The following NCAPD2 variants were observed in gnomAD, a reference collection of about 807,000 sequenced individuals.
NCAPD2 encodes non-SMC condensin I complex subunit D2, also known as condensin complex subunit 1.
In NCAPD2, 100 loss-of-function variants were observed where a neutral mutation model predicts 164.5. The observed-to-expected ratio is 0.61, with a 90% confidence interval of 0.52 to 0.72. The LOEUF (loss-of-function observed/expected upper bound fraction) is 0.72, where lower values mean the gene tolerates loss of function less well. Among genes scored for constraint, NCAPD2 ranks in the 30% least tolerant of loss-of-function variants. NCAPD2 has a pLI of 0.00. For missense variants in NCAPD2, 1,560 were observed against 1,749.2 expected (o/e 0.89, Z 1.93); for synonymous variants, 585 against 642.6 (o/e 0.91, Z 1.36).
rs183925918 is a variant in NCAPD2, at chr12:6,514,407, G to A, written c.715+15G>A. The A allele has an allele frequency of 3.0e-5, 48 of 1,614,140 alleles. No individual in the cohort carries two copies. In the African/African-American group the frequency reaches 4.1e-4, roughly 14 times the overall value. ...CCATATGCTCAGTAAGTTACCAGTC[G>A]CTTTGCCCCGCCTTTTTTGTATTGC... On this transcript the variant is annotated intron_variant, in intron 7 of 31. Transcript: ENST00000315579.
intron 15 of NCAPD2, among the ~76,000 whole-genome samples, chr12:6,522,300 T>C (rs941081913): frequency 1.3e-5 from 2 of 152,114 alleles, no homozygotes; most frequent in African/African-American, 4.8e-5. Flanking sequence ...AGGCAGGGGT[T>C]CTCGGCTGGG....
Position 6,526,889 on chromosome 12 carries a change from AGAG to A in NCAPD2, c.2737_2739del (p.Glu913del). 1 of 1,607,124 alleles carries A rather than the reference AGAG, an allele frequency of 6.2e-7. No homozygotes were observed. Among genetic ancestry groups the A allele is most frequent in the Non-Finnish European group, 8.5e-7 (1 of 1,176,868 alleles). ...CCCACCTTCCCTCTCCCTCTCCTCC[AGAG>A]GAGTCCCCCGCAATGCTCCCCACTT... On this transcript the variant is annotated splice_acceptor_variant and coding_sequence_variant, in exon 22 of 32. Coordinates refer to ENST00000315579, the MANE Select transcript of NCAPD2 (RefSeq NM_014865.4). LOFTEE classifies it high-confidence loss of function.
chr12:6,495,736 A>C (rs1169725995), intron 2 of NCAPD2, among the ~76,000 whole-genome samples: 4 of 152,244 alleles, frequency 2.6e-5, no homozygotes, highest in Non-Finnish European at 4.4e-5. Context: ...TTGCATTACC[A>C]GAAAGACTTC....
rs1320066754 is a variant in NCAPD2, at chr12:6,521,958, G to T, written c.1875G>T (p.Gln625His). 29 of 1,614,158 alleles carry T rather than the reference G, an allele frequency of 1.8e-5. No homozygotes were observed. The highest frequency in any genetic ancestry group is 2.5e-5 in the Non-Finnish European group (29 of 1,180,032). Residue 625 changes from glutamine to histidine, a missense_variant, in exon 15 of 32, where the codon CAG becomes CAT. Coordinates refer to ENST00000315579, the MANE Select transcript of NCAPD2 (RefSeq NM_014865.4). ...AGGAGATGCTGGTACAGTATCTGCA[G>T]GATGCCTACAGCTTCTCCCGGAAGA... is the stretch of plus-strand genomic sequence containing the variant. ...VKQEMLVQYL[Q>H]DAYSFSRKIT...
intron 2 of NCAPD2, among the ~76,000 whole-genome samples, chr12:6,508,126 T>C (rs1015436110): frequency 1.3e-5 from 2 of 152,018 alleles, no homozygotes; most frequent in African/African-American, 4.8e-5. Context: ...ATCAAGACCA[T>C]CCTGGCTAAC....
In NCAPD2 at chr12:6,495,219, C is replaced by T. The variant is rs1357181080; in HGVS notation, c.121C>T (p.Leu41Phe). Reference protein sequence around the residue: ...VLSIKHLPPQLRAFQAAFRAQ... With the variant: ...VLSIKHLPPQFRAFQAAFRAQ... ...GTCCATCAAACATCTTCCACCACAGCTTAGAGGTAAGAGTCCATAGCTGTC... is the reference window on the plus strand; with the variant it reads ...GTCCATCAAACATCTTCCACCACAGTTTAGAGGTAAGAGTCCATAGCTGTC... The change falls in exon 2 of 32, where the codon CTT becomes TTT. Residue 41 changes from leucine to phenylalanine, a missense_variant. Transcript: ENST00000315579. 1.9e-6 allele frequency: 3 copies of T among 1,614,134 alleles called. No individual in the cohort carries two copies. Among genetic ancestry groups the T allele is most frequent in the East Asian group, 2.2e-5 (1 of 44,874 alleles).
At position 6,522,052 on chromosome 12, in the gene NCAPD2, C is replaced by T. The variant is rs137944223; in HGVS notation, c.1954+15C>T. 380 of 1,611,516 alleles carry T rather than the reference C, an allele frequency of 2.4e-4. 4 individuals carry two copies. The African/African-American group carries it at 4.1e-3, about 17-fold the overall frequency. ...CACAACTACAGGTATGCCAGAGTCCCTTTCTATAAGGACAGCCTTGGGGTT... is the reference window on the plus strand; with the variant it reads ...CACAACTACAGGTATGCCAGAGTCCTTTTCTATAAGGACAGCCTTGGGGTT... On this transcript the variant is annotated intron_variant, in intron 15 of 31. Transcript: ENST00000315579.
chr12:6,512,215 T>A (rs1946155965), intron 6 of NCAPD2, among the ~76,000 whole-genome samples: 1 of 139,322 alleles, frequency 7.2e-6, no homozygotes, highest in Non-Finnish European at 1.5e-5. Flanking sequence ...GAGCTTGCAG[T>A]GACCTGAGAT....
chr12:6,507,812 G>A (rs1445990225), intron 2 of NCAPD2, among the ~76,000 whole-genome samples: 6 of 152,120 alleles, frequency 3.9e-5, no homozygotes, highest in East Asian at 1.9e-4. Flanking sequence ...GTACTGTGGC[G>A]TGTCCAGGCA....
At chr12:6,494,350 AGC>A (rs1430308204) in intron 1 of NCAPD2, among the ~76,000 whole-genome samples, 196 bp downstream of exon 1, 1 of 150,818 alleles carries the variant, frequency 6.6e-6, no homozygotes. Context: ...GAAGATGTTA[AGC>A]AAATCGCTTA....
intron 14 of NCAPD2, among the ~76,000 whole-genome samples, chr12:6,521,529 C>CA (rs1442615226): frequency 3.3e-5 from 5 of 150,498 alleles, no homozygotes; most frequent in Admixed American, 6.6e-5. Flanking sequence ...CAAGGGATAC[C>CA]AAAAAAAAAT....
chr12:6,502,314 C>CCCTT (rs1946046063), intron 2 of NCAPD2, among the ~76,000 whole-genome samples: 1 of 152,084 alleles, frequency 6.6e-6, no homozygotes, highest in South Asian at 2.1e-4. Context: ...GCTTCTGTTT[C>CCCTT]CTCAATAGGA....
chr12:6,523,119 G>T, intron 16 of NCAPD2, 117 bp downstream of exon 16: 2 of 1,444,922 alleles, frequency 1.4e-6, no homozygotes, highest in South Asian at 2.4e-5. Flanking sequence ...TCCATAGGCA[G>T]TCCATCATAG....
intron 2 of NCAPD2, among the ~76,000 whole-genome samples, chr12:6,506,592 G>GA (rs1165369312): frequency 9.4e-4 from 113 of 120,786 alleles, no homozygotes; most frequent in Middle Eastern, 4.5e-3. Context: ...TCCGTCTCAA[G>GA]AAAAAAAAAA....
At chr12:6,525,037 A>C (rs984179558) in intron 17 of NCAPD2, among the ~76,000 whole-genome samples, 3 of 152,138 alleles carry the variant, frequency 2.0e-5, no homozygotes, top group Non-Finnish European at 4.4e-5. Flanking sequence ...AACCCATGGG[A>C]AGGAAGGCCC....
Position 6,527,858 on chromosome 12 carries a change from C to A in NCAPD2, c.2989C>A (p.Arg997Ser). 6.2e-7 allele frequency: 1 copy of A among 1,613,790 alleles called. No homozygotes were observed. The highest frequency in any genetic ancestry group is 8.5e-7 in the Non-Finnish European group (1 of 1,179,696). ...AGATGACACAGAGGCAGAACTAATC[C>A]GTGGCATCTGCGAGATGGAACTGTT... ...TADDTEAELI[R>S]GICEMELLDG... Residue 997 changes from arginine to serine, a missense_variant, in exon 23 of 32, where the codon CGT becomes AGT. Arg to Ser is a moderately radical substitution (Grantham distance 110). Coordinates refer to ENST00000315579, the MANE Select transcript of NCAPD2 (RefSeq NM_014865.4).
chr12:6,526,884 C>T lies in NCAPD2; in HGVS notation c.2735-7C>T, dbSNP rs1227849556. The T allele has an allele frequency of 6.2e-7, 1 of 1,604,096 alleles. No homozygotes were observed. Among genetic ancestry groups the T allele is most frequent in the Non-Finnish European group, 8.5e-7 (1 of 1,175,398 alleles). ...TTTGCCCCACCTTCCCTCTCCCTCT[C>T]CTCCAGAGGAGTCCCCCGCAATGCT... On this transcript the variant is annotated splice_polypyrimidine_tract_variant and splice_region_variant and intron_variant, in intron 21 of 31. Coordinates refer to ENST00000315579, the MANE Select transcript of NCAPD2 (RefSeq NM_014865.4).
rs867774695 is a variant in NCAPD2, at chr12:6,531,183, C to T, written c.4120+107C>T. The T allele has an allele frequency of 1.8e-5, 27 of 1,512,526 alleles. No individual in the cohort carries two copies. Among genetic ancestry groups the T allele is most frequent in the Non-Finnish European group, 2.4e-5 (26 of 1,103,800 alleles). 93.7% of individuals were successfully genotyped at this position (1,512,526 alleles called of 1,614,324 possible). A position where few individuals can be genotyped will look rare whatever the true frequency, so the allele number is the denominator to read the frequency against. On this transcript the variant is annotated intron_variant, in intron 31 of 31. Coordinates refer to ENST00000315579, the MANE Select transcript of NCAPD2 (RefSeq NM_014865.4). The surrounding 1 kb of genome is among the most constrained non-coding windows in gnomAD (Gnocchi z 4.1). ...GGGCCTGAGTGTAGATGCTCTGCCC[C>T]ACTGCCGCAGAAGGGCCTCTCCTGT...
rs1299602043 is a variant in NCAPD2 at position 6,514,388 on chromosome 12, G to A, written c.711G>A (p.Met237Ile). Residue 237 changes from methionine (M) to isoleucine (I), a missense_variant, in exon 7 of 32, where the codon ATG becomes ATA. Physicochemically the swap from Met to Ile is conservative, Grantham distance 10 (BLOSUM62 1). Transcript: ENST00000315579. ...TAGCCTTGACCCGTTATAACCATATGCTCAGTAAGTTACCAGTCGCTTTGC... is the reference window on the plus strand; with the variant it reads ...TAGCCTTGACCCGTTATAACCATATACTCAGTAAGTTACCAGTCGCTTTGC... The part of the protein sequence containing the change: ...LGVALTRYNH[M>I]LSATVKIIQM... 1 of 1,614,060 alleles carries A rather than the reference G, an allele frequency of 6.2e-7. No homozygotes were observed. Among genetic ancestry groups the A allele is most frequent in the African/African-American group, 1.3e-5 (1 of 74,914 alleles).
Sources: gnomAD v4.1 joint callset for allele counts (sites outside exome capture counted in the v4.1 genomes callset) on GRCh38, gnomAD v4.1.1 for gene constraint, Gnocchi (gnomAD v3.1) non-coding constraint, MANE v1.5 for transcripts, NCBI Gene and HGNC (gene_info 2026-07-23, HGNC 2026-07-21) for gene names.